The following BRCA1 variants were observed in gnomAD, a reference collection of about 807,000 sequenced individuals.
BRCA1 encodes the protein BRCA1 DNA repair associated.
A neutral mutation model predicts 173.7 loss-of-function variants in BRCA1; 140 were observed. The ratio of observed to expected loss-of-function variants is 0.81; its 90% CI spans 0.70 to 0.93. The LOEUF (loss-of-function observed/expected upper bound fraction) is 0.93, where lower values mean the gene tolerates loss of function less well. Among genes scored for constraint, BRCA1 ranks in the 40% least tolerant of loss-of-function variants. The pLI is 0.00. For synonymous variants in BRCA1, 662 were observed against 756.0 expected (o/e 0.88, Z 2.04); for missense variants, 1,983 against 2,172.5 (o/e 0.91, Z 1.73).
chr17:43,094,509 T>G lies in BRCA1; in HGVS notation c.1022A>C (p.Asp341Ala), dbSNP rs1567801162. Residue 341 changes from aspartate (D) to alanine (A), a missense_variant, in exon 10 of 23, where the codon GAT becomes GCT. By Grantham distance (126) the Asp-to-Ala change is moderately radical. Coordinates refer to ENST00000357654, the MANE Select transcript of BRCA1 (RefSeq NM_007294.4). ...CTCACACAGGGGATCAGCATTCAGA[T>G]CTACCTTTTTTTCTGTGCTGGGAGT... ...RRTPSTEKKV[D>A]LNADPLCERK... 1 of 1,614,060 alleles carries G rather than the reference T, an allele frequency of 6.2e-7. No individual in the cohort carries two copies. Among genetic ancestry groups the G allele is most frequent in the Non-Finnish European group, 8.5e-7 (1 of 1,180,026 alleles).
chr17:43,084,771 G>A (rs1241368391), intron 11 of BRCA1, among the ~76,000 whole-genome samples: 1 of 152,088 alleles, frequency 6.6e-6, no homozygotes, highest in Non-Finnish European at 1.5e-5. Flanking sequence ...CGTGGTACTC[G>A]TGAGTAGTTA....
At chr17:43,154,581 A>C (rs2056184413) in intron 1 of BRCA1, among the ~76,000 whole-genome samples, 1 of 152,116 alleles carries the variant, frequency 6.6e-6, no homozygotes, top group African/African-American at 2.4e-5. Context: ...AAAACTTTAG[A>C]AAATACATCA....
chr17:43,119,350 T>G (rs2055443038), intron 2 of BRCA1: 1 of 222,832 alleles, frequency 4.5e-6, no homozygotes, highest in Non-Finnish European at 8.9e-6. Flanking sequence ...GTAATACAAC[T>G]CTTGTAATCA....
At chr17:43,109,918 G>A (rs893864340) in intron 3 of BRCA1, among the ~76,000 whole-genome samples, 7 of 149,590 alleles carry the variant, frequency 4.7e-5, no homozygotes, top group African/African-American at 9.9e-5. Flanking sequence ...TTTTTTAGAC[G>A]GAGTCTCGCT....
In BRCA1 at chr17:43,094,275, A is replaced by C. The variant is rs398122628; in HGVS notation, c.1256T>G (p.Val419Gly). Residue 419 changes from valine to glycine, a missense_variant, in exon 10 of 23, where the codon GTA becomes GGA. Physicochemically the swap from Val to Gly is moderately radical, Grantham distance 109. Transcript: ENST00000357654. ...CTCTGAAGAACCAGAATATTCATCT[A>C]CCTCATTTAGAACGTCCAATACATC... ...VADVLDVLNE[V>G]DEYSGSSEKI... 1.2e-6 allele frequency: 2 copies of C among 1,614,094 alleles called. No individual in the cohort carries two copies. The highest frequency in any genetic ancestry group is 1.7e-6 in the Non-Finnish European group (2 of 1,180,024).
chr17:43,070,562 T>C (rs938271565), intron 15 of BRCA1, among the ~76,000 whole-genome samples: 8 of 152,188 alleles, frequency 5.3e-5, no homozygotes, highest in Non-Finnish European at 8.8e-5. Flanking sequence ...AATATGCTGG[T>C]AAATTCACCC....
intron 2 of BRCA1, chr17:43,119,202 T>G: frequency 4.7e-6 from 1 of 212,748 alleles, no homozygotes. Context: ...GTGCGGTGGC[T>G]CACGCTGTAA....
intron 2 of BRCA1, among the ~76,000 whole-genome samples, chr17:43,116,488 T>C (rs1329435455): frequency 6.6e-6 from 1 of 152,180 alleles, no homozygotes; most frequent in Non-Finnish European, 1.5e-5. Context: ...AGCACGGGGT[T>C]TACAGGCATG....
intron 18 of BRCA1, among the ~76,000 whole-genome samples, chr17:43,059,368 G>A (rs2051646718): frequency 6.6e-6 from 1 of 152,114 alleles, no homozygotes. Flanking sequence ...GGAGGCTGAG[G>A]CAGGAAAATC....
intron 1 of BRCA1, chr17:43,145,014 G>A: frequency 1.4e-6 from 1 of 693,378 alleles, no homozygotes; most frequent in Non-Finnish European, 2.7e-6. Flanking sequence ...CCCAAGAGGA[G>A]ATCAGCGCAA....
At chr17:43,077,950 G>A (rs2052817042) in intron 12 of BRCA1, among the ~76,000 whole-genome samples, 1 of 151,562 alleles carries the variant, frequency 6.6e-6, no homozygotes, top group Non-Finnish European at 1.5e-5. Context: ...GGTCACGCTG[G>A]TCTCGAACTC....
intron 11 of BRCA1, among the ~76,000 whole-genome samples, chr17:43,086,109 TACACAC>T (rs376686434): frequency 5.7e-4 from 79 of 137,460 alleles, no homozygotes; most frequent in Middle Eastern, 3.6e-3. Flanking sequence ...ATCACATACA[TACACAC>T]ACACACACAC....
chr17:43,150,601 C>G (rs1192882288), intron 1 of BRCA1, among the ~76,000 whole-genome samples: 1 of 152,166 alleles, frequency 6.6e-6, no homozygotes, highest in Non-Finnish European at 1.5e-5. Context: ...AACCTTTTGA[C>G]TGTTGTTTCT....
At chr17:43,123,643 C>T (rs1291857248) in intron 2 of BRCA1, among the ~76,000 whole-genome samples, 1 of 152,152 alleles carries the variant, frequency 6.6e-6, no homozygotes, top group Non-Finnish European at 1.5e-5. Flanking sequence ...CCACCGCCCT[C>T]GGCCTCATCC....
chr17:43,138,490 A>G, intron 1 of BRCA1: 2 of 628,884 alleles, frequency 3.2e-6, no homozygotes, highest in Non-Finnish European at 5.7e-6. Context: ...CGTAGACTCC[A>G]TGCCTTCTTC....
intron 14 of BRCA1, among the ~76,000 whole-genome samples, chr17:43,072,941 T>C (rs1347225567): frequency 6.6e-6 from 1 of 151,588 alleles, no homozygotes; most frequent in East Asian, 2.0e-4. Flanking sequence ...GGTCTTGAAC[T>C]CTTGGCCTCG....
At chr17:43,142,940 G>GTGTGTA (rs1472554474) in intron 1 of BRCA1, among the ~76,000 whole-genome samples, 1 of 144,932 alleles carries the variant, frequency 6.9e-6, no homozygotes, top group African/African-American at 2.7e-5. Context: ...GTGTGTGTGT[G>GTGTGTA]TATATATATA....
chr17:43,123,996 T>C (rs2055709837), intron 2 of BRCA1, 21 bp downstream of exon 2: 2 of 1,580,910 alleles, frequency 1.3e-6, no homozygotes. Flanking sequence ...CCCAAATTAA[T>C]ACACTCTTGT....
In BRCA1 at chr17:43,044,518, G is replaced by A. The variant is rs1010615361; in HGVS notation, c.*1160C>T. Reference sequence around the variant, plus strand: ...ATGAAGCTGTATGGTTTCAGCAACAGGGAGCAAAGGAAAAAAATCACCTCA... The same window carrying A: ...ATGAAGCTGTATGGTTTCAGCAACAAGGAGCAAAGGAAAAAAATCACCTCA... On this transcript the variant is annotated 3_prime_UTR_variant, in exon 23 of 23. Transcript: ENST00000357654. 2.0e-6 allele frequency: 1 copy of A among 506,410 alleles called. No homozygotes were observed. The highest frequency in any genetic ancestry group is 2.3e-5 in the Admixed American group (1 of 43,998). The allele number at this position is 506,410 out of a possible 1,614,324, so 31.4% of individuals were successfully genotyped here.
Sources: gnomAD v4.1 joint callset for allele counts (sites outside exome capture counted in the v4.1 genomes callset) on GRCh38, gnomAD v4.1.1 for gene constraint, MANE v1.5 for transcripts, NCBI Gene and HGNC (gene_info 2026-07-23, HGNC 2026-07-21) for gene names.